DLG2: variants seen among roughly 807,000 people sequenced by gnomAD.
DLG2 encodes the protein disks large homolog 2.
DLG2 carries 45 observed loss-of-function variants against 132.5 expected under a neutral mutation model. That is an observed-to-expected ratio of 0.34 (90% CI 0.27 to 0.44). The LOEUF is 0.44. Among genes scored for constraint, DLG2 ranks in the 20% least tolerant of loss-of-function variants. The pLI, the probability that DLG2 is intolerant of heterozygous loss-of-function variation, is 1.00. For synonymous variants in DLG2, 424 were observed against 419.6 expected, an observed-to-expected ratio of 1.01 and a Z score of -0.13; for missense variants, 1,045 against 1,196.9, an observed-to-expected ratio of 0.87 and a Z score of 1.87.
At chr11:84,766,540 T>A (rs1457528271) in intron 6 of DLG2, among the ~76,000 whole-genome samples, 3 of 152,084 alleles carry the variant, frequency 2.0e-5, no homozygotes, top group Admixed American at 6.6e-5. Context: ...ACTGGCATAA[T>A]GTGGAGAACA....
At chr11:85,365,299 A>C (rs1386312244) in intron 3 of DLG2, among the ~76,000 whole-genome samples, 24 of 152,198 alleles carry the variant, frequency 1.6e-4, no homozygotes. Flanking sequence ...AGAAGATCAC[A>C]TGCCTATATA....
intron 6 of DLG2, among the ~76,000 whole-genome samples, chr11:84,540,978 G>A (rs1311256513): frequency 1.3e-5 from 2 of 152,058 alleles, no homozygotes; most frequent in Middle Eastern, 3.2e-3. Flanking sequence ...ACTCATAGGT[G>A]GGAATTGAAC....
At chr11:85,364,366 G>T (rs1416855667) in intron 3 of DLG2, among the ~76,000 whole-genome samples, 1 of 152,156 alleles carries the variant, frequency 6.6e-6, no homozygotes, top group African/African-American at 2.4e-5. Context: ...AGGGAATCAA[G>T]AGATACTCCT....
chr11:84,538,384 A>C (rs1391234234), intron 6 of DLG2, among the ~76,000 whole-genome samples: 1 of 152,212 alleles, frequency 6.6e-6, no homozygotes, highest in African/African-American at 2.4e-5. Flanking sequence ...TCATATCTGC[A>C]TACTTTTCAG....
chr11:85,483,041 A>T (rs2093336735), intron 3 of DLG2, among the ~76,000 whole-genome samples: 1 of 152,242 alleles, frequency 6.6e-6, no homozygotes, highest in Non-Finnish European at 1.5e-5. Flanking sequence ...CGTAGCAGAA[A>T]ACTTTTCAAA....
At chr11:83,627,397 T>C (rs936519273) in intron 19 of DLG2, among the ~76,000 whole-genome samples, 3 of 151,870 alleles carry the variant, frequency 2.0e-5, no homozygotes, top group African/African-American at 7.3e-5. Context: ...TGGTGTGTGA[T>C]GTTCCCCTTC....
intron 11 of DLG2, among the ~76,000 whole-genome samples, chr11:84,040,473 A>T (rs1277351676): frequency 6.6e-6 from 1 of 151,010 alleles, no homozygotes; most frequent in African/African-American, 2.4e-5. Flanking sequence ...TTTATTAAAT[A>T]GGGAATCCTT....
intron 8 of DLG2, among the ~76,000 whole-genome samples, chr11:84,205,540 A>G (rs1184836052): frequency 4.6e-5 from 6 of 130,316 alleles, no homozygotes; most frequent in Non-Finnish European, 8.2e-5. Context: ...TTCTCTGAGA[A>G]TAACAGAATT....
At chr11:83,610,589 T>C (rs1342896013) in intron 19 of DLG2, among the ~76,000 whole-genome samples, 1 of 152,160 alleles carries the variant, frequency 6.6e-6, no homozygotes, top group Non-Finnish European at 1.5e-5. Context: ...GGAGGTAATA[T>C]TTATTAAGCA....
At chr11:84,618,123 G>A (rs190092786) in intron 6 of DLG2, among the ~76,000 whole-genome samples, 13 of 152,134 alleles carry the variant, frequency 8.5e-5, no homozygotes, top group Admixed American at 2.6e-4. Flanking sequence ...TTTAAAAAGT[G>A]TGTCATATTC....
rs2140969420 is a variant in DLG2, at chr11:83,529,840, C to T, written c.2193+2868G>A. On this transcript the variant is annotated intron_variant, in intron 21 of 27. Coordinates refer to ENST00000376104, the MANE Select transcript of DLG2 (RefSeq NM_001142699.3). ...GATGATTACTCCTTTCTTTCAATAG[C>T]GAAGTCCTATAATTTACAACCTATT... 1.3e-5 allele frequency among the ~76,000 whole-genome samples: 2 copies of T among 152,200 alleles called. 1 individual carries two copies. The highest frequency in any genetic ancestry group is 6.8e-3 in the Middle Eastern group (2 of 294).
intron 6 of DLG2, among the ~76,000 whole-genome samples, chr11:84,999,793 C>G (rs1228029060): frequency 1.3e-5 from 2 of 152,004 alleles, no homozygotes; most frequent in Non-Finnish European, 2.9e-5. Context: ...ACTCTCATGT[C>G]TATAAAAAGA....
At chr11:83,642,562 A>G (rs1278412581) in intron 18 of DLG2, among the ~76,000 whole-genome samples, 1 of 152,200 alleles carries the variant, frequency 6.6e-6, no homozygotes, top group Admixed American at 6.5e-5. Flanking sequence ...TAATATGCAT[A>G]TAACTCTGAA....
At chr11:85,204,046 A>G (rs1370116512) in intron 4 of DLG2, among the ~76,000 whole-genome samples, 1 of 152,182 alleles carries the variant, frequency 6.6e-6, no homozygotes, top group East Asian at 1.9e-4. Context: ...TTAAAATGAT[A>G]AAGTCCGTAT....
At chr11:84,174,929 T>G (rs1421880323) in intron 8 of DLG2, among the ~76,000 whole-genome samples, 1 of 152,196 alleles carries the variant, frequency 6.6e-6, no homozygotes, top group East Asian at 1.9e-4. Flanking sequence ...TTTTGAGAGC[T>G]TAGCATTTTA....
chr11:85,580,544 C>G (rs989666022), intron 3 of DLG2, among the ~76,000 whole-genome samples: 4 of 152,204 alleles, frequency 2.6e-5, no homozygotes, highest in Admixed American at 1.3e-4. Flanking sequence ...GTGCTAGGCA[C>G]AGTGAGAAAT....
rs1235259608 is a variant in DLG2, at chr11:84,914,240, A to G, written c.357+197421T>C. 3.3e-5 allele frequency among the ~76,000 whole-genome samples: 5 copies of G among 152,324 alleles called. No homozygotes were observed. In the East Asian group the frequency reaches 5.8e-4, roughly 18 times the overall value. ...ATTTTGAAAGTGCCAAAGTCTACAC[A>G]GAAAGAAAAAACAAAACCTCCAGCT... On this transcript the variant is annotated intron_variant, in intron 6 of 27. Coordinates refer to ENST00000376104, the MANE Select transcript of DLG2 (RefSeq NM_001142699.3).
intron 4 of DLG2, among the ~76,000 whole-genome samples, chr11:85,172,276 G>C (rs1331085430): frequency 6.6e-6 from 1 of 152,232 alleles, no homozygotes; most frequent in Non-Finnish European, 1.5e-5. Context: ...CCTCTTTGCT[G>C]TTTCACAGCC....
intron 9 of DLG2, among the ~76,000 whole-genome samples, chr11:84,134,338 A>T (rs770718212): frequency 2.0e-5 from 3 of 152,104 alleles, no homozygotes; most frequent in Non-Finnish European, 4.4e-5. Flanking sequence ...ACTTCCTTGG[A>T]CTATTTTCTT....
Sources: allele counts gnomAD v4.1 joint callset (sites outside exome capture counted in the v4.1 genomes callset), GRCh38; gene constraint gnomAD v4.1.1; transcripts MANE v1.5; gene names NCBI Gene and HGNC (gene_info 2026-07-23, HGNC 2026-07-21).